Variants in EPHA3 observed in about 807,000 individuals in gnomAD.
EPHA3 encodes the protein EPH receptor A3, also known as ephrin type-A receptor 3.
Under a neutral mutation model 107.1 loss-of-function variants are expected in EPHA3, and 42 were observed. The observed-to-expected ratio is 0.39, with a 90% CI of 0.31 to 0.51. The LOEUF is 0.51. Among genes scored for constraint, EPHA3 ranks in the 20% least tolerant of loss-of-function variants. The pLI, the probability that EPHA3 is intolerant of heterozygous loss-of-function variation, is 0.78. For synonymous variants in EPHA3, 461 were observed against 424.8 expected (o/e 1.09, Z -1.05); for missense variants, 1,183 against 1,211.2 (o/e 0.98, Z 0.35).
At chr3:89,458,191 A>G (rs1297748376) in intron 15 of EPHA3, among the ~76,000 whole-genome samples, 1 of 152,230 alleles carries the variant, frequency 6.6e-6, no homozygotes, top group African/African-American at 2.4e-5. Flanking sequence ...GGAAATGGCA[A>G]TACAAGAAGG....
chr3:89,356,207 C>A (rs1207178708), intron 5 of EPHA3, among the ~76,000 whole-genome samples: 1 of 150,866 alleles, frequency 6.6e-6, no homozygotes, highest in East Asian at 1.9e-4. Flanking sequence ...TGTATATGTG[C>A]CACATTTTCT....
At chr3:89,301,844 G>A (rs1200633747) in intron 3 of EPHA3, among the ~76,000 whole-genome samples, 1 of 152,058 alleles carries the variant, frequency 6.6e-6, no homozygotes, top group Non-Finnish European at 1.5e-5. Flanking sequence ...GATAAACTCT[G>A]TAAAAGTCAG....
intron 2 of EPHA3, among the ~76,000 whole-genome samples, chr3:89,180,827 A>G (rs771988847): frequency 3.9e-5 from 6 of 152,028 alleles, no homozygotes; most frequent in Non-Finnish European, 7.4e-5. Context: ...AGTGAAGTGC[A>G]TATGGGACTA....
intron 3 of EPHA3, among the ~76,000 whole-genome samples, chr3:89,322,886 T>G (rs1707076371): frequency 2.0e-5 from 3 of 151,850 alleles, no homozygotes; most frequent in Non-Finnish European, 4.4e-5. Context: ...TGTTAAGTTA[T>G]CTAGACATAG....
intron 6 of EPHA3, among the ~76,000 whole-genome samples, chr3:89,398,175 G>A (rs1206453392): frequency 6.6e-6 from 1 of 152,074 alleles, no homozygotes; most frequent in East Asian, 1.9e-4. Flanking sequence ...CATGTTTTCT[G>A]TACTATTCAA....
chr3:89,454,805 G>A (rs1710064231), intron 15 of EPHA3, among the ~76,000 whole-genome samples: 1 of 152,070 alleles, frequency 6.6e-6, no homozygotes, highest in Non-Finnish European at 1.5e-5. Flanking sequence ...CAGTTTGGGT[G>A]TTATAGCAAG....
chr3:89,194,215 C>G (rs1310486937), intron 2 of EPHA3, among the ~76,000 whole-genome samples: 1 of 151,876 alleles, frequency 6.6e-6, no homozygotes, highest in African/African-American at 2.4e-5. Context: ...GATGTGCTAA[C>G]AAAACGATAT....
chr3:89,328,252 G>A lies in EPHA3; in HGVS notation c.815-12664G>A, dbSNP rs563735470. On this transcript the variant is annotated intron_variant, in intron 3 of 16. Coordinates refer to ENST00000336596, the MANE Select transcript of EPHA3 (RefSeq NM_005233.6). ...TCTACCCAATAAAGTTCCGTGTTTC[G>A]ACTAATAACATGTAGTAGACAGTCC... Among the ~76,000 whole-genome samples, 9 of 152,012 alleles carry A rather than the reference G, an allele frequency of 5.9e-5. No homozygotes were observed. In the South Asian group the frequency reaches 6.2e-4, roughly 11 times the overall value.
At chr3:89,162,306 A>T (rs753558975) in intron 2 of EPHA3, among the ~76,000 whole-genome samples, 31 of 152,300 alleles carry the variant, frequency 2.0e-4, no homozygotes, top group Non-Finnish European at 3.1e-4. Flanking sequence ...CCATACTCCA[A>T]ATAAATTAGA....
chr3:89,164,557 C>T (rs1318736965), intron 2 of EPHA3, among the ~76,000 whole-genome samples: 3 of 152,188 alleles, frequency 2.0e-5, no homozygotes, highest in African/African-American at 4.8e-5. Flanking sequence ...TCCACCCAGA[C>T]TTGCTGTAGG....
chr3:89,142,702 C>T (rs985711073), intron 2 of EPHA3, among the ~76,000 whole-genome samples: 10 of 150,888 alleles, frequency 6.6e-5, no homozygotes, highest in African/African-American at 2.2e-4. Context: ...CAAAGTGCAC[C>T]AAAAAAAGAA....
At chr3:89,276,656 T>C (rs1280395065) in intron 3 of EPHA3, among the ~76,000 whole-genome samples, 1 of 152,124 alleles carries the variant, frequency 6.6e-6, no homozygotes, top group African/African-American at 2.4e-5. Context: ...ATATGAAATA[T>C]GTTTGACTGA....
intron 3 of EPHA3, among the ~76,000 whole-genome samples, chr3:89,229,467 G>A (rs939307191): frequency 1.3e-5 from 2 of 150,970 alleles, no homozygotes; most frequent in Non-Finnish European, 3.0e-5. Flanking sequence ...TCTTAAATGG[G>A]AAAAAAGCCT....
chr3:89,262,610 G>A (rs1353550014), intron 3 of EPHA3, among the ~76,000 whole-genome samples: 2 of 152,176 alleles, frequency 1.3e-5, no homozygotes, highest in Non-Finnish European at 2.9e-5. Context: ...AGACCTTTTT[G>A]AAGCACGGTA....
chr3:89,283,631 G>A (rs76059291), intron 3 of EPHA3, among the ~76,000 whole-genome samples: 1 of 151,948 alleles, frequency 6.6e-6, no homozygotes, highest in Admixed American at 6.6e-5. Flanking sequence ...TGAAGGACAG[G>A]CCAAATTAGG....
chr3:89,369,093 T>G (rs1429355345), intron 5 of EPHA3, among the ~76,000 whole-genome samples: 1 of 150,260 alleles, frequency 6.7e-6, no homozygotes, highest in Non-Finnish European at 1.5e-5. Context: ...AAGAAGAATA[T>G]GAATTAGCAA....
chr3:89,458,422 A>G (rs893453374), intron 15 of EPHA3, among the ~76,000 whole-genome samples: 9 of 152,186 alleles, frequency 5.9e-5, no homozygotes, highest in Non-Finnish European at 1.3e-4. Context: ...ATTTCCAAAA[A>G]GTAGATTCAA....
chr3:89,175,695 A>C (rs1201152045), intron 2 of EPHA3, among the ~76,000 whole-genome samples: 1 of 152,114 alleles, frequency 6.6e-6, no homozygotes, highest in East Asian at 1.9e-4. Context: ...TTAAATTTTG[A>C]TTTATACAAG....
chr3:89,356,338 G>A (rs1707955682), intron 5 of EPHA3, among the ~76,000 whole-genome samples: 1 of 150,720 alleles, frequency 6.6e-6, no homozygotes, highest in Admixed American at 6.7e-5. Flanking sequence ...TAGTCCTTTG[G>A]GTATATACCC....
Sources: gnomAD v4.1 joint callset for allele counts (sites outside exome capture counted in the v4.1 genomes callset) on GRCh38, gnomAD v4.1.1 for gene constraint, MANE v1.5 for transcripts, NCBI Gene and HGNC (gene_info 2026-07-23, HGNC 2026-07-21) for gene names.